The following IZUMO2 variants were observed in gnomAD, a reference collection of about 807,000 sequenced individuals.
The protein encoded by IZUMO2 is IZUMO family member 2, also known as izumo sperm-egg fusion protein 2.
In IZUMO2, 24 loss-of-function variants were observed where a neutral mutation model predicts 31.2. The observed-to-expected ratio is 0.77, with a 90% CI of 0.56 to 1.08. The LOEUF is 1.08. Ranked by LOEUF, IZUMO2 falls within the 50% of genes least tolerant of loss-of-function variation. The probability of loss-of-function intolerance (pLI) is 0.00; values close to 1 mark genes in which losing one functional copy is unlikely to be tolerated. For missense variants in IZUMO2, 278 were observed against 274.0 expected (o/e 1.01, Z -0.10); for synonymous variants, 144 against 117.3 (o/e 1.23, Z -1.47).
intron 2 of IZUMO2, among the ~76,000 whole-genome samples, chr19:50,161,126 CT>C (rs398040395): frequency 0.13 from 18,089 of 139,446 alleles, 989 homozygotes; most frequent in Non-Finnish European, 0.14. Flanking sequence ...TTTCCTTTTT[CT>C]TTTTTTTTTT....
At chr19:50,158,230 C>A in intron 5 of IZUMO2, 38 bp downstream of exon 5, 1 of 1,377,566 alleles carries the variant, frequency 7.3e-7, no homozygotes, top group Non-Finnish European at 1.0e-6. Flanking sequence ...ATCTCTTGCA[C>A]GCCTGTCCCA....
intron 6 of IZUMO2, 78 bp downstream of exon 6, chr19:50,154,522 C>T (rs1266244261): frequency 7.6e-7 from 1 of 1,313,138 alleles, no homozygotes; most frequent in Non-Finnish European, 1.0e-6. Flanking sequence ...TACACAGTGA[C>T]CCATCCAGGG....
At chr19:50,153,223 C>A in intron 6 of IZUMO2, among the ~76,000 whole-genome samples, 1 of 152,134 alleles carries the variant, frequency 6.6e-6, no homozygotes, top group East Asian at 1.9e-4. Context: ...GGAATGCCAG[C>A]AGCCACCAGC....
chr19:50,154,676 G>A lies in IZUMO2; in HGVS notation c.547C>T (p.Pro183Ser), dbSNP rs758448689. 7 of 1,614,048 alleles carry A rather than the reference G, an allele frequency of 4.3e-6. No homozygotes were observed. The highest frequency in any genetic ancestry group is 5.1e-6 in the Non-Finnish European group (6 of 1,179,992). ...ATGCCCAACAGCGCCTGGTTCCTCG[G>A]GTATTTGCTGTCCATCTGGTACTGC... Reference protein sequence around the residue: ...ALQYQMDSKYPRNQALLGILI... With the variant: ...ALQYQMDSKYSRNQALLGILI... The change falls in exon 6 of 7, where the codon CCG (proline) becomes TCG (serine). Residue 183 changes from proline to serine, a missense_variant. Coordinates refer to ENST00000293405, the MANE Select transcript of IZUMO2 (RefSeq NM_152358.3).
At chr19:50,153,364 A>G (rs540363742) in intron 6 of IZUMO2, among the ~76,000 whole-genome samples, 1 of 152,280 alleles carries the variant, frequency 6.6e-6, no homozygotes, top group Non-Finnish European at 1.5e-5. Flanking sequence ...AAGTCACCCA[A>G]TTTGTGGTGA....
intron 3 of IZUMO2, 106 bp from the exon 4 acceptor site, chr19:50,159,356 G>A (rs759038028): frequency 3.4e-5 from 46 of 1,347,196 alleles, no homozygotes; most frequent in Non-Finnish European, 4.4e-5. Flanking sequence ...GGAAAGGAGA[G>A]AAGGGAAGAT....
At chr19:50,154,956 A>C (rs2030166193) in intron 5 of IZUMO2, among the ~76,000 whole-genome samples, 1 of 152,162 alleles carries the variant, frequency 6.6e-6, no homozygotes, top group Non-Finnish European at 1.5e-5. Context: ...TATAGCCGGG[A>C]ACCAAACTGG....
At chr19:50,161,201 C>T (rs1029893740) in intron 2 of IZUMO2, among the ~76,000 whole-genome samples, 24 of 150,980 alleles carry the variant, frequency 1.6e-4, no homozygotes, top group African/African-American at 5.1e-4. Flanking sequence ...CTCAGCTCAC[C>T]GCAACCTCCG....
rs71180675 is a variant in IZUMO2, at chr19:50,154,264, GTTTTTTT to G, written c.623+329_623+335del. Reference sequence around the variant, plus strand: ...GCATCCACCAAATATAACTTTTAGCGTTTTTTTTTTTTTTTTTTTTTTTTTTTTTTTT... The same window carrying G: ...GCATCCACCAAATATAACTTTTAGCGTTTTTTTTTTTTTTTTTTTTTTTTT... On this transcript the variant is annotated intron_variant, in intron 6 of 6. Transcript: ENST00000293405. Among the ~76,000 whole-genome samples the G allele has an allele frequency of 3.8e-5, 3 of 79,280 alleles. 1 individual carries two copies. Among genetic ancestry groups the G allele is most frequent in the African/African-American group, 1.4e-4 (3 of 21,566 alleles). The allele number at this position is 79,280 out of a possible 152,430, so 52.0% of individuals were successfully genotyped here. A position where few individuals can be genotyped will look rare whatever the true frequency, so the allele number is the denominator to read the frequency against.
chr19:50,162,896 C>T (rs1220237757), intron 1 of IZUMO2, 67 bp downstream of exon 1: 1 of 1,605,856 alleles, frequency 6.2e-7, no homozygotes, highest in African/African-American at 1.3e-5. Flanking sequence ...GGCCCCGACC[C>T]CTCTTGGGGG....
chr19:50,157,871 G>T (rs1394506487), intron 5 of IZUMO2, among the ~76,000 whole-genome samples: 1 of 147,098 alleles, frequency 6.8e-6, no homozygotes, highest in Admixed American at 6.8e-5. Flanking sequence ...AGTGAGCCAA[G>T]ATCCTGCCAT....
intron 6 of IZUMO2, among the ~76,000 whole-genome samples, 198 bp from the exon 7 acceptor site, chr19:50,152,849 C>G (rs1010499930): frequency 3.3e-5 from 5 of 152,038 alleles, no homozygotes; most frequent in Non-Finnish European, 7.4e-5. Context: ...GAGAGAAGAG[C>G]TGGGACCAGG....
At chr19:50,157,678 C>T (rs2030257971) in intron 5 of IZUMO2, among the ~76,000 whole-genome samples, 2 of 316 alleles carry the variant, frequency 6.3e-3, no homozygotes, top group Non-Finnish European at 0.012. Flanking sequence ...GTAATCCCAG[C>T]ACTTTGGGAG....
At chr19:50,156,472 G>C (rs2030214543) in intron 5 of IZUMO2, among the ~76,000 whole-genome samples, 1 of 152,100 alleles carries the variant, frequency 6.6e-6, no homozygotes, top group African/African-American at 2.4e-5. Context: ...TCCTCAGTTT[G>C]GGACATCGTA....
In IZUMO2 at chr19:50,162,750, T is replaced by C; in HGVS notation, c.296A>G (p.Asn99Ser). The C allele has an allele frequency of 1.2e-6, 2 of 1,613,528 alleles. No homozygotes were observed. The highest frequency in any genetic ancestry group is 1.7e-6 in the Non-Finnish European group (2 of 1,179,692). The change falls in exon 2 of 7, where the codon AAC becomes AGC. Residue 99 changes from asparagine (N) to serine (S), a missense_variant. Physicochemically the swap from Asn to Ser is conservative, Grantham distance 46. Transcript: ENST00000293405. Reference sequence around the variant, plus strand: ...CTCGTCTCTCCTACCTTTCAGAGAGTTACCCATTAAGTGCTGCGTTTGGTT... The same window carrying C: ...CTCGTCTCTCCTACCTTTCAGAGAGCTACCCATTAAGTGCTGCGTTTGGTT... ...VKNQTQHLMG[N>S]SLKDEPLLEE...
rs566646742 is a variant in IZUMO2, at chr19:50,161,926, T to C, written c.307+813A>G. ...ATCCCCCGCTCCCCCCCAAAAAAAT[T>C]TGGCTCTTGCCTGGCTCACAGAAGG... On this transcript the variant is annotated intron_variant, in intron 2 of 6. Coordinates refer to ENST00000293405, the MANE Select transcript of IZUMO2 (RefSeq NM_152358.3). 1.0e-3 allele frequency among the ~76,000 whole-genome samples: 157 copies of C among 152,328 alleles called. 1 individual carries two copies. The highest frequency in any genetic ancestry group is 3.7e-3 in the African/African-American group (153 of 41,568).
At chr19:50,156,977 C>T (rs141092694) in intron 5 of IZUMO2, among the ~76,000 whole-genome samples, 6 of 152,202 alleles carry the variant, frequency 3.9e-5, no homozygotes, top group Admixed American at 6.5e-5. Flanking sequence ...GGTGTGGGAA[C>T]GACATTGTGG....
rs753984065 is a variant in IZUMO2 at position 50,159,262 on chromosome 19, A to G, written c.395-12T>C. The G allele has an allele frequency of 6.2e-7, 1 of 1,610,644 alleles. No individual in the cohort carries two copies. The highest frequency in any genetic ancestry group is 1.1e-5 in the South Asian group (1 of 89,652). ...TTTGGGGTTGCAGGCTGCAAGAGAA[A>G]ATTGCTGAGGTGAGTTAAATTGGGA... On this transcript the variant is annotated splice_polypyrimidine_tract_variant and intron_variant, in intron 3 of 6. Transcript: ENST00000293405.
chr19:50,153,717 G>C (rs915264486), intron 6 of IZUMO2: 1 of 151,602 alleles, frequency 6.6e-6, no homozygotes, highest in African/African-American at 2.4e-5. Flanking sequence ...CAGAAGAATC[G>C]CTTGAACCTG....
Sources: gnomAD v4.1 joint callset for allele counts (sites outside exome capture counted in the v4.1 genomes callset) on GRCh38, gnomAD v4.1.1 for gene constraint, MANE v1.5 for transcripts, NCBI Gene and HGNC (gene_info 2026-07-23, HGNC 2026-07-21) for gene names.